Variants in THSD7A observed in about 807,000 individuals in gnomAD.
THSD7A encodes the protein thrombospondin type 1 domain containing 7A.
Under a neutral mutation model 231.3 loss-of-function variants are expected in THSD7A, and 96 were observed. The ratio of observed to expected loss-of-function variants is 0.41; its 90% confidence interval spans 0.35 to 0.49. The LOEUF is 0.49. THSD7A is among the 20% of genes least tolerant of loss of function. The probability of loss-of-function intolerance (pLI) is 0.05; values close to 1 mark genes in which losing one functional copy is unlikely to be tolerated. For synonymous variants in THSD7A, 940 were observed against 743.3 expected, an observed-to-expected ratio of 1.26 and a Z score of -4.30; for missense variants, 2,290 against 2,070.2, an observed-to-expected ratio of 1.11 and a Z score of -2.06.
intron 4 of THSD7A, among the ~76,000 whole-genome samples, chr7:11,569,295 T>C (rs1790521655): frequency 1.3e-5 from 2 of 152,106 alleles, no homozygotes. Context: ...AACAAGGCAC[T>C]AACGTCTAGA....
chr7:11,514,445 A>C (rs1787943501), intron 6 of THSD7A, among the ~76,000 whole-genome samples: 1 of 152,144 alleles, frequency 6.6e-6, no homozygotes, highest in African/African-American at 2.4e-5. Context: ...GTTTAGACAC[A>C]CGTATATATG....
At chr7:11,434,839 C>G (rs1230482517) in intron 13 of THSD7A, among the ~76,000 whole-genome samples, 2 of 151,890 alleles carry the variant, frequency 1.3e-5, no homozygotes, top group African/African-American at 4.8e-5. Context: ...AACTGGTGAT[C>G]TGATACCTGG....
chr7:11,579,401 A>G (rs1445515331), intron 4 of THSD7A, among the ~76,000 whole-genome samples: 2 of 152,002 alleles, frequency 1.3e-5, no homozygotes, highest in Non-Finnish European at 2.9e-5. Context: ...ACCAGTGCAC[A>G]TCCCTGAGTG....
chr7:11,499,660 T>A (rs964277280), intron 6 of THSD7A, among the ~76,000 whole-genome samples: 1 of 152,144 alleles, frequency 6.6e-6, no homozygotes, highest in African/African-American at 2.4e-5. Flanking sequence ...AACACAAGAA[T>A]GTCACAATGC....
intron 4 of THSD7A, among the ~76,000 whole-genome samples, chr7:11,550,615 T>C (rs1016792597): frequency 4.6e-5 from 7 of 152,196 alleles, no homozygotes; most frequent in East Asian, 3.9e-4. Context: ...TCTGCCATGA[T>C]TGTAAGTTTC....
rs533515786 is a variant in THSD7A, at chr7:11,710,090, A to AT, written c.191-73130dup. On this transcript the variant is annotated intron_variant, in intron 1 of 27. Transcript: ENST00000423059. Reference sequence around the variant, plus strand: ...AAACACACATGATAGAATAAATGCTATTTTTTTTTAAAAAATGAGGATTCT... The same window carrying AT: ...AAACACACATGATAGAATAAATGCTATTTTTTTTTTAAAAAATGAGGATTCT... 9.6e-3 allele frequency among the ~76,000 whole-genome samples: 1,438 copies of AT among 150,242 alleles called. 13 individuals are homozygous for AT. Among genetic ancestry groups the AT allele is most frequent in the Middle Eastern group, 0.027 (8 of 292 alleles).
intron 6 of THSD7A, among the ~76,000 whole-genome samples, chr7:11,526,519 G>T (rs997552659): frequency 6.6e-6 from 1 of 152,110 alleles, no homozygotes; most frequent in African/African-American, 2.4e-5. Flanking sequence ...TACTTAATGG[G>T]CAGGGGCTGC....
rs57740181 is a variant in THSD7A at position 11,778,156 on chromosome 7, C to CAAAAAAAAAAAAAAAA, written c.190+53585_190+53600dup. 1.2e-3 allele frequency among the ~76,000 whole-genome samples: 52 copies of CAAAAAAAAAAAAAAAA among 45,040 alleles called. 3 individuals carry two copies. The highest frequency in any genetic ancestry group is 3.8e-3 in the South Asian group (3 of 794). 29.5% of individuals were successfully genotyped at this position (45,040 alleles called of 152,430 possible). Reference sequence around the variant, plus strand: ...TGGGCGACAGAGCGAGACTCCGTCTCAAAAAAAAAAAAAAAAAAAAAAGAA... The same window carrying CAAAAAAAAAAAAAAAA: ...TGGGCGACAGAGCGAGACTCCGTCTCAAAAAAAAAAAAAAAAAAAAAAAAAAAAAAAAAAAAAAGAA... On this transcript the variant is annotated intron_variant, in intron 1 of 27. Coordinates refer to ENST00000423059, the MANE Select transcript of THSD7A (RefSeq NM_015204.3).
intron 4 of THSD7A, among the ~76,000 whole-genome samples, chr7:11,545,046 TAAAAA>T: frequency 6.6e-6 from 1 of 152,132 alleles, no homozygotes; most frequent in South Asian, 2.1e-4. Flanking sequence ...TCTCTGAATA[TAAAAA>T]ACTTGACACC....
At chr7:11,759,891 A>G (rs1782800397) in intron 1 of THSD7A, among the ~76,000 whole-genome samples, 1 of 152,094 alleles carries the variant, frequency 6.6e-6, no homozygotes, top group African/African-American at 2.4e-5. Context: ...TGCATAGAGA[A>G]GTTAGTGACC....
At chr7:11,815,316 G>C (rs915225115) in intron 1 of THSD7A, among the ~76,000 whole-genome samples, 5 of 151,788 alleles carry the variant, frequency 3.3e-5, no homozygotes, top group Admixed American at 1.3e-4. Flanking sequence ...CAGGGTAAGG[G>C]AGTGGTATTA....
chr7:11,533,197 AGTTCAGAGTGAAAAAAATGTCCTCT>A (rs1788775193), intron 6 of THSD7A, among the ~76,000 whole-genome samples: 1 of 152,200 alleles, frequency 6.6e-6, no homozygotes, highest in Non-Finnish European at 1.5e-5. Flanking sequence ...AAATTCAGAC[AGTTCAGAGTGAAAAAAATGTCCTCT>A]GGCCTAATTT....
chr7:11,388,483 T>C (rs1383869623), intron 23 of THSD7A, among the ~76,000 whole-genome samples: 1 of 152,194 alleles, frequency 6.6e-6, no homozygotes, highest in Admixed American at 6.5e-5. Flanking sequence ...TGTATAGAGG[T>C]GTTTATAGTA....
At chr7:11,764,752 T>C (rs1386215139) in intron 1 of THSD7A, among the ~76,000 whole-genome samples, 1 of 152,102 alleles carries the variant, frequency 6.6e-6, no homozygotes, top group Non-Finnish European at 1.5e-5. Context: ...ATTAGGATTA[T>C]ATTACTTGGA....
At chr7:11,612,280 C>T (rs1318481418) in intron 2 of THSD7A, among the ~76,000 whole-genome samples, 1 of 152,152 alleles carries the variant, frequency 6.6e-6, no homozygotes, top group African/African-American at 2.4e-5. Context: ...ACACCACCAC[C>T]ACCAAAGTAA....
chr7:11,785,750 T>C (rs575325333), intron 1 of THSD7A, among the ~76,000 whole-genome samples: 3 of 152,268 alleles, frequency 2.0e-5, no homozygotes, highest in African/African-American at 7.2e-5. Context: ...TTATACCACA[T>C]CTGCTTTTAC....
chr7:11,802,502 T>C (rs74320699), intron 1 of THSD7A, among the ~76,000 whole-genome samples: 11,080 of 152,156 alleles, frequency 0.073, 431 homozygotes, highest in South Asian at 0.12. Context: ...CTCTGGATCC[T>C]GGGGAATCAG....
chr7:11,767,281 C>T (rs1367989322), intron 1 of THSD7A, among the ~76,000 whole-genome samples: 2 of 152,164 alleles, frequency 1.3e-5, no homozygotes, highest in Non-Finnish European at 1.5e-5. Context: ...GCAACCAAAG[C>T]CAGTCATTAT....
rs774364998 is a variant in THSD7A at position 11,820,821 on chromosome 7, T to G, written c.190+10936A>C. On this transcript the variant is annotated intron_variant, in intron 1 of 27. Transcript: ENST00000423059. Reference sequence around the variant, plus strand: ...GACGTGCCTCTCGCTCTCCGGTGCTTCTTCTGCTTCTTTGATCCTTTATAA... The same window carrying G: ...GACGTGCCTCTCGCTCTCCGGTGCTGCTTCTGCTTCTTTGATCCTTTATAA... 147 of 988,330 alleles carry G rather than the reference T, an allele frequency of 1.5e-4. 2 individuals carry two copies. The highest frequency in any genetic ancestry group is 9.5e-4 in the Admixed American group (53 of 55,736). 61.2% of individuals were successfully genotyped at this position (988,330 alleles called of 1,614,324 possible). A position where few individuals can be genotyped will look rare whatever the true frequency, so the allele number is the denominator to read the frequency against.
Sources: gnomAD v4.1 joint callset for allele counts (sites outside exome capture counted in the v4.1 genomes callset) on GRCh38, gnomAD v4.1.1 for gene constraint, MANE v1.5 for transcripts, NCBI Gene and HGNC (gene_info 2026-07-23, HGNC 2026-07-21) for gene names.